Variants in THSD4 observed in about 807,000 individuals in gnomAD.
The protein encoded by THSD4 is thrombospondin type 1 domain containing 4, also known as thrombospondin type-1 domain-containing protein 4.
In THSD4, 69 loss-of-function variants were observed where a neutral mutation model predicts 119.0. The observed-to-expected ratio is 0.58, with a 90% CI of 0.48 to 0.71. The LOEUF (loss-of-function observed/expected upper bound fraction) is 0.71, where lower values mean the gene tolerates loss of function less well. THSD4 is among the 30% of genes least tolerant of loss of function. The pLI is 0.00. For missense variants in THSD4, 1,393 were observed against 1,391.1 expected, an observed-to-expected ratio of 1.00 and a Z score of -0.02; for synonymous variants, 524 against 540.4, an observed-to-expected ratio of 0.97 and a Z score of 0.42.
At chr15:71,491,703 G>GA (rs11398792) in intron 7 of THSD4, among the ~76,000 whole-genome samples, 78,792 of 150,230 alleles carry the variant, frequency 0.52, 22,191 homozygotes, top group East Asian at 0.83. Context: ...GACTCCATCT[G>GA]AAAAAAAAAA....
chr15:71,259,536 C>T (rs1025037632), intron 6 of THSD4, among the ~76,000 whole-genome samples: 2 of 152,146 alleles, frequency 1.3e-5, no homozygotes, highest in Non-Finnish European at 2.9e-5. Context: ...GGCATGTATC[C>T]AAAGTGAGCA....
At chr15:71,205,258 G>C (rs1333642999) in intron 3 of THSD4, among the ~76,000 whole-genome samples, 1 of 150,406 alleles carries the variant, frequency 6.6e-6, no homozygotes, top group African/African-American at 2.5e-5. Flanking sequence ...ACGTGTTCAG[G>C]GTATACACTC....
chr15:71,116,796 G>A (rs2040366521), intron 1 of THSD4, among the ~76,000 whole-genome samples: 1 of 152,014 alleles, frequency 6.6e-6, no homozygotes, highest in South Asian at 2.1e-4. Context: ...TTTAAAATCC[G>A]CGTGTCTTCT....
intron 6 of THSD4, among the ~76,000 whole-genome samples, chr15:71,373,285 C>G (rs1566959520): frequency 6.6e-6 from 1 of 152,092 alleles, no homozygotes; most frequent in Non-Finnish European, 1.5e-5. Context: ...TAAGTCTGAA[C>G]TTTTAAAATG....
intron 2 of THSD4, among the ~76,000 whole-genome samples, chr15:71,145,040 T>G (rs1243696511): frequency 6.6e-6 from 1 of 152,226 alleles, no homozygotes; most frequent in Non-Finnish European, 1.5e-5. Context: ...AATTACATCT[T>G]TATTTGTTTG....
At chr15:71,547,745 G>A (rs2140851452) in intron 7 of THSD4, 1 of 355,484 alleles carries the variant, frequency 2.8e-6, no homozygotes, top group Non-Finnish European at 5.0e-6. Context: ...GGTGACAGAT[G>A]CCTGTAGCAC....
chr15:71,101,722 T>A (rs907497614), intron 1 of THSD4, among the ~76,000 whole-genome samples: 7 of 151,670 alleles, frequency 4.6e-5, no homozygotes, highest in Admixed American at 2.0e-4. Context: ...CTTTTTTATT[T>A]TTTTTTTTTG....
intron 7 of THSD4, chr15:71,547,225 C>T: frequency 7.2e-7 from 1 of 1,382,672 alleles, no homozygotes. Context: ...ATCAGCTTAC[C>T]AGTTTTCTTC....
In THSD4 at chr15:71,780,340, CAA is replaced by C. The variant is rs2053978132; in HGVS notation, c.*2969_*2970del. On this transcript the variant is annotated 3_prime_UTR_variant, in exon 18 of 18. Transcript: ENST00000261862. ...TTAAAGCTGTCATATGGTTTCCTCACAAAAGTCAACAAAGTCCAAACAAAAAT... is the reference window on the plus strand; with the variant it reads ...TTAAAGCTGTCATATGGTTTCCTCACAAGTCAACAAAGTCCAAACAAAAAT... 5.8e-6 allele frequency: 1 copy of C among 172,834 alleles called. No individual in the cohort carries two copies. Among genetic ancestry groups the C allele is most frequent in the African/African-American group, 2.4e-5 (1 of 42,378 alleles). The allele number at this position is 172,834 out of a possible 1,614,324, so 10.7% of individuals were successfully genotyped here. A position where few individuals can be genotyped will look rare whatever the true frequency, so the allele number is the denominator to read the frequency against.
chr15:71,196,585 A>G (rs939503062), intron 3 of THSD4, among the ~76,000 whole-genome samples: 2 of 152,194 alleles, frequency 1.3e-5, no homozygotes, highest in African/African-American at 4.8e-5. Flanking sequence ...CCAGACACCA[A>G]GTATCATAGG....
intron 7 of THSD4, among the ~76,000 whole-genome samples, chr15:71,655,413 G>A (rs1451934678): frequency 6.6e-6 from 1 of 152,166 alleles, no homozygotes; most frequent in Non-Finnish European, 1.5e-5. Flanking sequence ...TGACTAAGAA[G>A]TAGTAGAAAG....
At chr15:71,255,485 A>AT (rs1419499172) in intron 5 of THSD4, among the ~76,000 whole-genome samples, 1 of 152,244 alleles carries the variant, frequency 6.6e-6, no homozygotes, top group African/African-American at 2.4e-5. Context: ...GATAAACTTG[A>AT]TAAAATACAG....
At chr15:71,246,232 G>A (rs955226878) in intron 5 of THSD4, among the ~76,000 whole-genome samples, 13 of 152,272 alleles carry the variant, frequency 8.5e-5, no homozygotes, top group African/African-American at 2.9e-4. Context: ...GCATGGCAGT[G>A]ACACATGGAA....
At chr15:71,452,041 C>T (rs1265264215) in intron 7 of THSD4, among the ~76,000 whole-genome samples, 1 of 152,202 alleles carries the variant, frequency 6.6e-6, no homozygotes, top group East Asian at 1.9e-4. Flanking sequence ...AGCTCAAGCT[C>T]AAGCTCCACC....
At chr15:71,537,309 TC>T (rs1411083567) in intron 7 of THSD4, among the ~76,000 whole-genome samples, 1 of 152,138 alleles carries the variant, frequency 6.6e-6, no homozygotes, top group Admixed American at 6.6e-5. Flanking sequence ...AAAATGCAAA[TC>T]TGGTCCTATA....
intron 7 of THSD4, among the ~76,000 whole-genome samples, chr15:71,461,377 C>T (rs1595790383): frequency 6.6e-6 from 1 of 152,208 alleles, no homozygotes; most frequent in Non-Finnish European, 1.5e-5. Flanking sequence ...AAGTCATACC[C>T]TGTCATCTCT....
intron 7 of THSD4, among the ~76,000 whole-genome samples, chr15:71,594,212 T>C (rs79809085): frequency 2.1e-5 from 3 of 140,018 alleles, no homozygotes; most frequent in South Asian, 2.5e-4. Flanking sequence ...GGATGAATCC[T>C]TTTTTTTTTT....
intron 7 of THSD4, among the ~76,000 whole-genome samples, chr15:71,416,098 G>A (rs1197648896): frequency 2.6e-5 from 4 of 152,130 alleles, no homozygotes; most frequent in East Asian, 1.9e-4. Flanking sequence ...CGCCTGGCCC[G>A]AAGTTTGTCT....
At chr15:71,688,515 C>G (rs2051966571) in intron 8 of THSD4, among the ~76,000 whole-genome samples, 1 of 152,050 alleles carries the variant, frequency 6.6e-6, no homozygotes, top group South Asian at 2.1e-4. Context: ...AAATATTTTC[C>G]CAACCTTTCA....
Sources: allele counts gnomAD v4.1 joint callset (sites outside exome capture counted in the v4.1 genomes callset), GRCh38; gene constraint gnomAD v4.1.1; transcripts MANE v1.5; gene names NCBI Gene and HGNC (gene_info 2026-07-23, HGNC 2026-07-21).